Variants in RIMS2 observed in about 807,000 individuals in gnomAD.
The protein encoded by RIMS2 is regulating synaptic membrane exocytosis 2, also known as regulating synaptic membrane exocytosis protein 2.
RIMS2 carries 59 observed loss-of-function variants against 174.4 expected under a neutral mutation model. The ratio of observed to expected loss-of-function variants is 0.34; its 90% CI spans 0.27 to 0.42. RIMS2 has a LOEUF of 0.42. Ranked by LOEUF, RIMS2 falls within the 10% of genes least tolerant of loss-of-function variation. The pLI is 1.00. For missense variants in RIMS2, 1,620 were observed against 1,666.3 expected, an observed-to-expected ratio of 0.97 and a Z score of 0.48; for synonymous variants, 606 against 572.5, an observed-to-expected ratio of 1.06 and a Z score of -0.84.
intron 10 of RIMS2, among the ~76,000 whole-genome samples, chr8:103,926,523 T>C (rs1160314199): frequency 6.6e-6 from 1 of 151,558 alleles, no homozygotes; most frequent in African/African-American, 2.4e-5. Flanking sequence ...CAGTCTGCTT[T>C]TAAGTCTGCT....
chr8:103,528,243 T>A (rs4613966), intron 1 of RIMS2, among the ~76,000 whole-genome samples: 1 of 152,030 alleles, frequency 6.6e-6, no homozygotes, highest in South Asian at 2.1e-4. Context: ...GGGTTGTTTT[T>A]TTTTTTCTTG....
intron 19 of RIMS2, among the ~76,000 whole-genome samples, chr8:104,189,581 A>ATT (rs1554596361): frequency 3.8e-4 from 47 of 123,016 alleles, no homozygotes; most frequent in African/African-American, 1.1e-3. Context: ...AAATATATAC[A>ATT]TTATATATAT....
At chr8:104,151,004 A>G (rs1285451010) in intron 19 of RIMS2, among the ~76,000 whole-genome samples, 1 of 152,234 alleles carries the variant, frequency 6.6e-6, no homozygotes, top group African/African-American at 2.4e-5. Context: ...ACTTAAGTCC[A>G]TACCTGGAAA....
At chr8:103,651,748 G>A (rs1353624209) in intron 1 of RIMS2, among the ~76,000 whole-genome samples, 1 of 151,400 alleles carries the variant, frequency 6.6e-6, no homozygotes, top group African/African-American at 2.4e-5. Flanking sequence ...GCTCCTTTAG[G>A]CATAAAGAAA....
At chr8:104,002,072 T>G (rs2095412242) in intron 17 of RIMS2, among the ~76,000 whole-genome samples, 1 of 152,138 alleles carries the variant, frequency 6.6e-6, no homozygotes, top group Admixed American at 6.6e-5. Context: ...CCAATTCTAC[T>G]TTGGTCGGTC....
At chr8:103,534,921 G>A (rs2131031931) in intron 1 of RIMS2, among the ~76,000 whole-genome samples, 1 of 152,150 alleles carries the variant, frequency 6.6e-6, no homozygotes, top group East Asian at 1.9e-4. Flanking sequence ...CCTTGATTTA[G>A]GCCAGTAAAA....
At chr8:103,531,852 A>C (rs967453838) in intron 1 of RIMS2, among the ~76,000 whole-genome samples, 2 of 152,192 alleles carry the variant, frequency 1.3e-5, no homozygotes, top group Non-Finnish European at 2.9e-5. Flanking sequence ...ACAGTTGCTA[A>C]ATATTTATTT....
At chr8:103,636,786 GCACCC>G (rs1353013706) in intron 1 of RIMS2, among the ~76,000 whole-genome samples, 10 of 27,186 alleles carry the variant, frequency 3.7e-4, no homozygotes, top group Admixed American at 1.1e-3. Flanking sequence ...ACCCACCCCC[GCACCC>G]CCCCCCCCCC....
chr8:104,110,137 T>A (rs1599098762), intron 19 of RIMS2, among the ~76,000 whole-genome samples: 1 of 152,298 alleles, frequency 6.6e-6, no homozygotes, highest in East Asian at 1.9e-4. Context: ...GCCACTTAAA[T>A]TTCACTTAAA....
At chr8:104,224,477 TA>T (rs2099172892) in intron 19 of RIMS2, among the ~76,000 whole-genome samples, 1 of 152,218 alleles carries the variant, frequency 6.6e-6, no homozygotes, top group African/African-American at 2.4e-5. Context: ...ATTTAACAAC[TA>T]ACACTGAAAA....
chr8:103,500,672 T>C, upstream of RIMS2: 1 of 488,456 alleles, frequency 2.0e-6, no homozygotes, highest in South Asian at 3.5e-5. Flanking sequence ...AAGAAACATT[T>C]CCCGAAGCGC....
intron 1 of RIMS2, among the ~76,000 whole-genome samples, chr8:103,518,985 A>G (rs1305725314): frequency 6.6e-6 from 1 of 152,152 alleles, no homozygotes; most frequent in African/African-American, 2.4e-5. Flanking sequence ...TTTGAATAAA[A>G]TTCAAACTCC....
intron 19 of RIMS2, among the ~76,000 whole-genome samples, chr8:104,136,207 T>A (rs961768121): frequency 1.3e-5 from 2 of 152,296 alleles, no homozygotes; most frequent in East Asian, 3.9e-4. Flanking sequence ...ATTGTCTATC[T>A]TATGTCTCTA....
intron 1 of RIMS2, among the ~76,000 whole-genome samples, chr8:103,686,508 A>G (rs544952125): frequency 1.3e-5 from 2 of 152,210 alleles, no homozygotes; most frequent in Middle Eastern, 3.4e-3. Flanking sequence ...GTTTTTGTCA[A>G]TTCCTAGTTT....
intron 19 of RIMS2, among the ~76,000 whole-genome samples, chr8:104,113,079 T>C (rs1476567441): frequency 6.6e-6 from 1 of 152,138 alleles, no homozygotes; most frequent in Non-Finnish European, 1.5e-5. Flanking sequence ...CATAATTAGA[T>C]TATAATATCC....
chr8:103,726,160 C>T (rs1300198224), intron 2 of RIMS2, among the ~76,000 whole-genome samples: 2 of 152,094 alleles, frequency 1.3e-5, no homozygotes. Context: ...TGCTCCTTGA[C>T]TTATGATGGA....
intron 1 of RIMS2, among the ~76,000 whole-genome samples, chr8:103,569,157 T>C (rs1349685791): frequency 6.6e-6 from 1 of 152,194 alleles, no homozygotes; most frequent in Non-Finnish European, 1.5e-5. Context: ...TCTAAGAGTT[T>C]TACAGTTTTG....
chr8:104,096,068 G>A (rs1387802317), intron 19 of RIMS2, among the ~76,000 whole-genome samples: 1 of 151,954 alleles, frequency 6.6e-6, no homozygotes, highest in Admixed American at 6.6e-5. Context: ...AATTACATTG[G>A]TTTACTAATA....
chr8:103,609,032 T>G (rs2095267934), intron 1 of RIMS2, among the ~76,000 whole-genome samples: 1 of 152,226 alleles, frequency 6.6e-6, no homozygotes, highest in African/African-American at 2.4e-5. Flanking sequence ...TTTTTTGACT[T>G]TTTAATAATA....
Sources: allele counts gnomAD v4.1 joint callset (sites outside exome capture counted in the v4.1 genomes callset), GRCh38; gene constraint gnomAD v4.1.1; transcripts MANE v1.5; gene names NCBI Gene and HGNC (gene_info 2026-07-23, HGNC 2026-07-21).